LEPR: variants seen among roughly 807,000 people sequenced by gnomAD.
LEPR encodes the protein OB receptor.
LEPR carries 56 observed loss-of-function variants against 114.7 expected under a neutral mutation model. The observed-to-expected ratio is 0.49, with a 90% CI of 0.39 to 0.61. The LOEUF (loss-of-function observed/expected upper bound fraction) is 0.61. LEPR is among the 20% of genes least tolerant of loss of function. LEPR has a pLI of 0.00. For synonymous variants in LEPR, 443 were observed against 461.4 expected (o/e 0.96, Z 0.51); for missense variants, 1,202 against 1,352.9 (o/e 0.89, Z 1.75).
At chr1:65,478,793 G>C (rs1647185800) in intron 2 of LEPR, among the ~76,000 whole-genome samples, 1 of 152,154 alleles carries the variant, frequency 6.6e-6, no homozygotes, top group Non-Finnish European at 1.5e-5. Flanking sequence ...CTAGATTTGA[G>C]AAAAGTAGTC....
intron 2 of LEPR, among the ~76,000 whole-genome samples, chr1:65,517,504 A>C (rs1210507024): frequency 6.6e-6 from 1 of 152,226 alleles, no homozygotes; most frequent in Non-Finnish European, 1.5e-5. Flanking sequence ...AAGTAAGTAA[A>C]GCAATCACCA....
At chr1:65,455,629 G>C (rs998642933) in intron 2 of LEPR, among the ~76,000 whole-genome samples, 1 of 152,340 alleles carries the variant, frequency 6.6e-6, no homozygotes, top group East Asian at 1.9e-4. Context: ...TGAGGAGGCA[G>C]TCTGTCCGTT....
chr1:65,480,870 T>C (rs1194344896), intron 2 of LEPR, among the ~76,000 whole-genome samples: 73 of 151,890 alleles, frequency 4.8e-4, no homozygotes, highest in Admixed American at 4.8e-3. Context: ...ATAAGCAAAA[T>C]ACATGATAAA....
At chr1:65,495,138 G>A (rs1648086508) in intron 2 of LEPR, among the ~76,000 whole-genome samples, 1 of 152,066 alleles carries the variant, frequency 6.6e-6, no homozygotes, top group Non-Finnish European at 1.5e-5. Flanking sequence ...CTACAGAATA[G>A]GAGAAAATGT....
At chr1:65,598,610 A>T (rs3762273) in intron 7 of LEPR, 50 bp from the exon 8 acceptor site, 26 of 1,607,252 alleles carry the variant, frequency 1.6e-5, no homozygotes, top group African/African-American at 1.2e-4. Context: ...CTTTTAGTAA[A>T]GGTTCCACAT....
At chr1:65,422,786 G>A (rs193095702) in intron 1 of LEPR, among the ~76,000 whole-genome samples, 1 of 152,212 alleles carries the variant, frequency 6.6e-6, no homozygotes, top group African/African-American at 2.4e-5. Context: ...GAAGCTGGCT[G>A]GACAGGCAGT....
At chr1:65,541,331 T>C (rs1423045264) in intron 2 of LEPR, among the ~76,000 whole-genome samples, 1 of 152,230 alleles carries the variant, frequency 6.6e-6, no homozygotes, top group African/African-American at 2.4e-5. Flanking sequence ...ACACCGTAGG[T>C]AAGATGCCTA....
At chr1:65,612,816 T>A (rs758769899) in intron 14 of LEPR, among the ~76,000 whole-genome samples, 3 of 152,200 alleles carry the variant, frequency 2.0e-5, no homozygotes, top group Non-Finnish European at 4.4e-5. Context: ...AGATCACAGA[T>A]GTAAAATGCC....
chr1:65,479,921 A>AAAC (rs1557615073), intron 2 of LEPR, among the ~76,000 whole-genome samples: 2 of 151,802 alleles, frequency 1.3e-5, no homozygotes, highest in Non-Finnish European at 2.9e-5. Flanking sequence ...AACAAGACAA[A>AAAC]AAACAAACAA....
chr1:65,565,676 T>G (rs1456633485), intron 3 of LEPR, 71 bp downstream of exon 3: 1 of 1,533,250 alleles, frequency 6.5e-7, no homozygotes, highest in Non-Finnish European at 9.0e-7. Context: ...AGAGATGCTG[T>G]TTTATTTATT....
chr1:65,606,907 G>A (rs976294998), intron 11 of LEPR, among the ~76,000 whole-genome samples: 1 of 152,118 alleles, frequency 6.6e-6, no homozygotes, highest in Non-Finnish European at 1.5e-5. Flanking sequence ...AAGTATTATT[G>A]TTGATTGCTT....
intron 2 of LEPR, among the ~76,000 whole-genome samples, chr1:65,457,152 A>T (rs571025583): frequency 4.5e-4 from 68 of 152,258 alleles, no homozygotes; most frequent in Non-Finnish European, 6.3e-4. Flanking sequence ...TTTTACTTAT[A>T]TGTAAGCATA....
At chr1:65,506,957 C>A (rs1015520231) in intron 2 of LEPR, among the ~76,000 whole-genome samples, 1 of 152,280 alleles carries the variant, frequency 6.6e-6, no homozygotes, top group South Asian at 2.1e-4. Context: ...CACCCACTGC[C>A]AGCCTTTGGT....
chr1:65,598,859 C>A (rs1317693274), intron 8 of LEPR, 55 bp downstream of exon 8: 3 of 1,610,008 alleles, frequency 1.9e-6, no homozygotes, highest in Non-Finnish European at 2.5e-6. Context: ...CCTGAACTTG[C>A]CTTTGTATAG....
intron 4 of LEPR, 96 bp downstream of exon 4, chr1:65,570,898 A>T: frequency 1.9e-6 from 2 of 1,050,462 alleles, no homozygotes; most frequent in East Asian, 5.6e-5. Flanking sequence ...ATTTTAACAT[A>T]CATAATCATT....
chr1:65,626,290 T>G, intron 19 of LEPR: 1 of 1,300,380 alleles, frequency 7.7e-7, no homozygotes, highest in Non-Finnish European at 9.8e-7. Context: ...TATTGCCACA[T>G]TTTTTCAAGT....
intron 2 of LEPR, among the ~76,000 whole-genome samples, chr1:65,483,055 A>C (rs1647298590): frequency 6.6e-6 from 1 of 151,998 alleles, no homozygotes; most frequent in Non-Finnish European, 1.5e-5. Flanking sequence ...GACTTGGGGC[A>C]GGGAAATATT....
At chr1:65,479,902 A>G (rs1647200097) in intron 2 of LEPR, among the ~76,000 whole-genome samples, 1 of 151,174 alleles carries the variant, frequency 6.6e-6, no homozygotes, top group African/African-American at 2.5e-5. Context: ...CTCACTAAAA[A>G]CAAAACAAAA....
chr1:65,618,025 G>T lies in LEPR; in HGVS notation c.2274G>T (p.Trp758Cys). Reference sequence around the variant, plus strand: ...ACAGCAGTTGTGTGATTGTTTCCTGGATACTATCACCCAGTGATTACAAGC... The same window carrying T: ...ACAGCAGTTGTGTGATTGTTTCCTGTATACTATCACCCAGTGATTACAAGC... ...PLNSSCVIVS[W>C]ILSPSDYKLM... is the part of the protein sequence containing the mutation. The change falls in exon 16 of 20, where the codon TGG (tryptophan) becomes TGT (cysteine). Residue 758 changes from tryptophan to cysteine, a missense_variant. By Grantham distance (215) the Trp-to-Cys change is radical. Coordinates refer to ENST00000349533, the MANE Select transcript of LEPR (RefSeq NM_002303.6). 1 of 1,612,768 alleles carries T rather than the reference G, an allele frequency of 6.2e-7. No homozygotes were observed. Among genetic ancestry groups the T allele is most frequent in the Non-Finnish European group, 8.5e-7 (1 of 1,179,512 alleles).
Sources: gnomAD v4.1 joint callset for allele counts (sites outside exome capture counted in the v4.1 genomes callset) on GRCh38, gnomAD v4.1.1 for gene constraint, MANE v1.5 for transcripts, NCBI Gene and HGNC (gene_info 2026-07-23, HGNC 2026-07-21) for gene names.